The following CSMD1 variants were observed in gnomAD, a reference collection of about 807,000 sequenced individuals.
CSMD1 encodes CUB and sushi domain-containing protein 1.
In CSMD1, 213 loss-of-function variants were observed where a neutral mutation model predicts 417.5. The ratio of observed to expected loss-of-function variants is 0.51; its 90% confidence interval spans 0.46 to 0.57. CSMD1 has a LOEUF of 0.57. Among genes scored for constraint, CSMD1 ranks in the 20% least tolerant of loss-of-function variants. CSMD1 has a pLI of 0.00. For synonymous variants in CSMD1, 2,862 were observed against 1,736.8 expected (o/e 1.65, Z -16.11); for missense variants, 6,923 against 4,529.7 (o/e 1.53, Z -15.17).
chr8:3,783,735 C>G (rs545729265), intron 5 of CSMD1, among the ~76,000 whole-genome samples: 1 of 152,204 alleles, frequency 6.6e-6, no homozygotes, highest in Non-Finnish European at 1.5e-5. Flanking sequence ...ATTCTTACTC[C>G]TGCTATTCAG....
intron 4 of CSMD1, among the ~76,000 whole-genome samples, chr8:4,030,777 T>C (rs931376717): frequency 1.3e-5 from 2 of 152,204 alleles, no homozygotes; most frequent in African/African-American, 2.4e-5. Flanking sequence ...TCATGAACTT[T>C]TATGCTTTGC....
intron 4 of CSMD1, among the ~76,000 whole-genome samples, chr8:4,004,526 A>G (rs1196731228): frequency 1.3e-5 from 2 of 152,116 alleles, no homozygotes; most frequent in African/African-American, 2.4e-5. Flanking sequence ...CAATGAAAAC[A>G]TAAAAATGAA....
chr8:4,375,371 T>G (rs1802666708), intron 3 of CSMD1, among the ~76,000 whole-genome samples: 2 of 152,090 alleles, frequency 1.3e-5, no homozygotes, highest in South Asian at 4.1e-4. Context: ...ACAGGGGCAC[T>G]TTTGAGAGGA....
chr8:4,710,303 T>C (rs1808205374), intron 1 of CSMD1, among the ~76,000 whole-genome samples: 1 of 151,358 alleles, frequency 6.6e-6, no homozygotes, highest in Admixed American at 6.6e-5. Flanking sequence ...TGTATATGTG[T>C]ATACATTTAA....
chr8:4,724,555 TGTGTGTG>T (rs1563224849), intron 1 of CSMD1, among the ~76,000 whole-genome samples: 5 of 151,406 alleles, frequency 3.3e-5, no homozygotes, highest in African/African-American at 7.3e-5. Flanking sequence ...TGTGTGTGTG[TGTGTGTG>T]TTTATACTCC....
chr8:4,339,940 A>T lies in CSMD1; in HGVS notation c.415+80013T>A, dbSNP rs141828318. On this transcript the variant is annotated intron_variant, in intron 3 of 69. Coordinates refer to ENST00000635120, the MANE Select transcript of CSMD1 (RefSeq NM_033225.6). ...CTAAGGGGCCTGAGGCAAGAGGATC[A>T]CTTGAGTTCATAAGTTGGAGGTTCA... Among the ~76,000 whole-genome samples the T allele has an allele frequency of 1.6e-3, 242 of 152,166 alleles. 4 individuals carry two copies. The East Asian group carries it at 0.043, about 27-fold the overall frequency.
chr8:4,372,731 A>G (rs1313871543), intron 3 of CSMD1, among the ~76,000 whole-genome samples: 2 of 135,748 alleles, frequency 1.5e-5, no homozygotes, highest in African/African-American at 6.1e-5. Flanking sequence ...CCAAACCTAG[A>G]AAATGGAGGC....
At chr8:4,929,163 A>G (rs1563792089) in intron 1 of CSMD1, among the ~76,000 whole-genome samples, 1 of 152,168 alleles carries the variant, frequency 6.6e-6, no homozygotes, top group Non-Finnish European at 1.5e-5. Context: ...ACAGAGAAAG[A>G]CATCAGAGAA....
intron 1 of CSMD1, among the ~76,000 whole-genome samples, chr8:4,817,464 G>C (rs1274829512): frequency 6.6e-6 from 1 of 152,228 alleles, no homozygotes; most frequent in African/African-American, 2.4e-5. Context: ...ACCTTCTCTA[G>C]GGAGGAGGCC....
intron 1 of CSMD1, among the ~76,000 whole-genome samples, chr8:4,790,007 G>C (rs1797608430): frequency 6.6e-6 from 1 of 152,140 alleles, no homozygotes; most frequent in East Asian, 1.9e-4. Context: ...TGGAGGCCAA[G>C]TTATAGTGAT....
intron 7 of CSMD1, among the ~76,000 whole-genome samples, chr8:3,688,973 G>C (rs889501977): frequency 1.3e-5 from 2 of 152,026 alleles, no homozygotes; most frequent in African/African-American, 4.8e-5. Flanking sequence ...AATTAAAAAG[G>C]GTTACTTCAC....
intron 27 of CSMD1, among the ~76,000 whole-genome samples, chr8:3,225,124 G>A (rs1009573477): frequency 3.9e-5 from 6 of 152,058 alleles, no homozygotes; most frequent in Non-Finnish European, 7.4e-5. Context: ...TAAGATGAAG[G>A]AAGATGAAGG....
At chr8:4,825,639 A>T (rs1160068609) in intron 1 of CSMD1, among the ~76,000 whole-genome samples, 4 of 152,066 alleles carry the variant, frequency 2.6e-5, no homozygotes, top group Non-Finnish European at 5.9e-5. Context: ...CCCTCAAACT[A>T]AAAAGCTTCT....
chr8:4,564,476 G>C (rs1257187084), intron 2 of CSMD1, among the ~76,000 whole-genome samples: 1 of 152,104 alleles, frequency 6.6e-6, no homozygotes, highest in Non-Finnish European at 1.5e-5. Context: ...TCCTGGTTCA[G>C]GGACACACAT....
intron 5 of CSMD1, among the ~76,000 whole-genome samples, chr8:3,982,800 T>C (rs1183233783): frequency 6.6e-6 from 1 of 152,130 alleles, no homozygotes. Context: ...AAGAATCCGC[T>C]GGAGGATTCT....
chr8:3,700,338 G>C lies in CSMD1; in HGVS notation c.1009+8076C>G, dbSNP rs117683142. ...GTTTATATTCTACTGGGAGATGTGA[G>C]AGAAATGAAATGAACAGGGTTACTT... On this transcript the variant is annotated intron_variant, in intron 7 of 69. Coordinates refer to ENST00000635120, the MANE Select transcript of CSMD1 (RefSeq NM_033225.6). 7.0e-3 allele frequency among the ~76,000 whole-genome samples: 1,073 copies of C among 152,266 alleles called. 14 individuals carry two copies. Among genetic ancestry groups the C allele is most frequent in the African/African-American group, 0.021 (887 of 41,548 alleles).
intron 2 of CSMD1, among the ~76,000 whole-genome samples, chr8:4,516,972 T>C (rs1803159908): frequency 1.3e-5 from 2 of 152,278 alleles, no homozygotes; most frequent in South Asian, 4.1e-4. Flanking sequence ...CTATGAAAGA[T>C]GAAAACGCTA....
chr8:3,559,296 T>C (rs11136639), intron 10 of CSMD1, among the ~76,000 whole-genome samples: 88,751 of 151,796 alleles, frequency 0.58, 28,916 homozygotes, highest in East Asian at 1. Context: ...AACATGAAGA[T>C]CGCCATGGAA....
intron 2 of CSMD1, among the ~76,000 whole-genome samples, chr8:4,487,733 A>G (rs1452082298): frequency 1.3e-5 from 2 of 152,238 alleles, no homozygotes; most frequent in South Asian, 2.1e-4. Context: ...ATATAAAAAT[A>G]AAGTGTACTC....
Sources: allele counts gnomAD v4.1 joint callset (sites outside exome capture counted in the v4.1 genomes callset), GRCh38; gene constraint gnomAD v4.1.1; transcripts MANE v1.5; gene names NCBI Gene and HGNC (gene_info 2026-07-23, HGNC 2026-07-21).